The following ARID5B variants were observed in gnomAD, a reference collection of about 807,000 sequenced individuals.
ARID5B encodes AT-rich interactive domain-containing protein 5B.
ARID5B carries 13 observed loss-of-function variants against 97.2 expected under a neutral mutation model. The observed-to-expected ratio is 0.13, with a 90% confidence interval of 0.09 to 0.21. The LOEUF (loss-of-function observed/expected upper bound fraction) is 0.21. Among genes scored for constraint, ARID5B ranks in the 10% least tolerant of loss-of-function variants. The pLI is 1.00. For missense variants in ARID5B, 1,210 were observed against 1,465.3 expected, an observed-to-expected ratio of 0.83 and a Z score of 2.84; for synonymous variants, 556 against 570.3, an observed-to-expected ratio of 0.97 and a Z score of 0.36.
At chr10:61,961,208 TTAAG>T (rs1456769255) in intron 3 of ARID5B, among the ~76,000 whole-genome samples, 4 of 152,348 alleles carry the variant, frequency 2.6e-5, no homozygotes, top group African/African-American at 4.8e-5. Flanking sequence ...TTAAAGAACT[TTAAG>T]TAGGAAATTT....
intron 3 of ARID5B, among the ~76,000 whole-genome samples, chr10:61,957,584 A>G (rs1009102240): frequency 5.3e-5 from 8 of 152,190 alleles, no homozygotes; most frequent in Non-Finnish European, 1.2e-4. Flanking sequence ...TGGCATTTTA[A>G]CTGTCATATA....
chr10:61,950,761 A>G (rs953273168), intron 3 of ARID5B, among the ~76,000 whole-genome samples: 2 of 152,208 alleles, frequency 1.3e-5, no homozygotes, highest in Non-Finnish European at 2.9e-5. Context: ...TTGGAGGTGC[A>G]TGATGCTTTT....
intron 3 of ARID5B, among the ~76,000 whole-genome samples, chr10:61,941,170 G>T (rs1471862395): frequency 6.7e-6 from 1 of 149,846 alleles, no homozygotes; most frequent in Admixed American, 6.7e-5. Context: ...ACTTTACAGG[G>T]TTATTGTGAG....
rs71022105 is a variant in ARID5B, at chr10:61,919,036, T to TCC, written c.276+16638_276+16639dup. ...GTCTGCGTGACAGAGCCTGACTCCG[T>TCC]CCCCCCCCCCCCCCCCAAAAAAATA... On this transcript the variant is annotated intron_variant, in intron 2 of 9. Transcript: ENST00000279873. 1.2e-3 allele frequency among the ~76,000 whole-genome samples: 76 copies of TCC among 63,424 alleles called. 2 individuals carry two copies. Among genetic ancestry groups the TCC allele is most frequent in the African/African-American group, 1.4e-3 (22 of 16,264 alleles). The allele number at this position is 63,424 out of a possible 152,430, so 41.6% of individuals were successfully genotyped here. A position where few individuals can be genotyped will look rare whatever the true frequency, so the allele number is the denominator to read the frequency against.
chr10:62,056,818 AT>A (rs1303898017), intron 5 of ARID5B, among the ~76,000 whole-genome samples: 2 of 152,108 alleles, frequency 1.3e-5, no homozygotes, highest in Non-Finnish European at 2.9e-5. Flanking sequence ...AGCCACACCC[AT>A]TTGTTAACAT....
At chr10:61,998,269 C>T (rs1164299226) in intron 3 of ARID5B, among the ~76,000 whole-genome samples, 2 of 152,214 alleles carry the variant, frequency 1.3e-5, no homozygotes, top group Non-Finnish European at 2.9e-5. Flanking sequence ...CTTGCTCATT[C>T]GTCTCCCACT....
At chr10:62,068,140 C>A (rs988765725) in intron 7 of ARID5B, among the ~76,000 whole-genome samples, 1 of 152,110 alleles carries the variant, frequency 6.6e-6, no homozygotes, top group South Asian at 2.1e-4. Context: ...AGGTTGGAGG[C>A]AGATTGTAAC....
In ARID5B at chr10:62,095,342, T is replaced by C; in HGVS notation, c.*2312T>C. On this transcript the variant is annotated 3_prime_UTR_variant, in exon 10 of 10. Coordinates refer to ENST00000279873, the MANE Select transcript of ARID5B (RefSeq NM_032199.3). Reference sequence around the variant, plus strand: ...GGTTCTGCAGCAGACATGGGCTAGGTCATATGTGGTTTCTATGAGTTCGTG... The same window carrying C: ...GGTTCTGCAGCAGACATGGGCTAGGCCATATGTGGTTTCTATGAGTTCGTG... The C allele has an allele frequency of 4.3e-6, 1 of 233,084 alleles. No homozygotes were observed. The highest frequency in any genetic ancestry group is 2.2e-5 in the African/African-American group (1 of 45,290). 14.4% of individuals were successfully genotyped at this position (233,084 alleles called of 1,614,324 possible).
At chr10:61,909,921 G>A (rs538941872) in intron 2 of ARID5B, among the ~76,000 whole-genome samples, 1 of 152,324 alleles carries the variant, frequency 6.6e-6, no homozygotes, top group Admixed American at 6.5e-5. Context: ...CTGTTTCGTT[G>A]TTAATTTTCC....
At chr10:61,987,501 G>A (rs1488815526) in intron 3 of ARID5B, among the ~76,000 whole-genome samples, 1 of 152,084 alleles carries the variant, frequency 6.6e-6, no homozygotes, top group Non-Finnish European at 1.5e-5. Context: ...GCTGATATTC[G>A]TGATCCAAAA....
chr10:61,924,429 A>G (rs1844068071), intron 2 of ARID5B, among the ~76,000 whole-genome samples: 1 of 152,242 alleles, frequency 6.6e-6, no homozygotes, highest in South Asian at 2.1e-4. Flanking sequence ...AGCAGAGCAT[A>G]TCACTAGTCT....
At chr10:62,049,170 C>G in intron 4 of ARID5B, 2 of 1,254,610 alleles carry the variant, frequency 1.6e-6, no homozygotes, top group Non-Finnish European at 2.0e-6. Context: ...CAAAACAGGC[C>G]GGATGAAATC....
In ARID5B at chr10:62,050,992, G is replaced by A. The variant is rs143185576; in HGVS notation, c.838G>A (p.Val280Ile). The A allele has an allele frequency of 8.1e-6, 13 of 1,612,686 alleles. No homozygotes were observed. Among genetic ancestry groups the A allele is most frequent in the Admixed American group, 3.3e-5 (2 of 60,028 alleles). ...CAACAACAATTCCGATGGCAAAGCC[G>A]TTGCCAAGGTACGGTCATTCACTCC... is the stretch of plus-strand genomic sequence containing the variant. ...DSNNNSDGKA[V>I]AKVKCEARSA... The change falls in exon 5 of 10, where the codon GTT becomes ATT. Residue 280 changes from valine (V) to isoleucine (I), a missense_variant. Around this residue, in one of 8 missense-constraint regions of ARID5B, gnomAD observed 132 missense variants for 156.7 expected, o/e 0.84. Coordinates refer to ENST00000279873, the MANE Select transcript of ARID5B (RefSeq NM_032199.3).
chr10:62,047,991 G>A (rs1839733505), intron 4 of ARID5B, among the ~76,000 whole-genome samples: 2 of 152,112 alleles, frequency 1.3e-5, no homozygotes, highest in African/African-American at 4.8e-5. Flanking sequence ...TTGCATGTGG[G>A]GACTAGATTA....
At chr10:62,011,081 C>T (rs1191545412) in intron 4 of ARID5B, among the ~76,000 whole-genome samples, 2 of 152,166 alleles carry the variant, frequency 1.3e-5, no homozygotes, top group African/African-American at 2.4e-5. Context: ...GGATCACTGG[C>T]TTACTGCATA....
chr10:62,040,339 TTA>T (rs10569468), intron 4 of ARID5B, among the ~76,000 whole-genome samples: 148,936 of 151,154 alleles, frequency 0.99, 73,415 homozygotes, highest in East Asian at 1. Context: ...TATTATAACA[TTA>T]TATATATATA....
intron 3 of ARID5B, among the ~76,000 whole-genome samples, chr10:61,949,995 A>T (rs1329274381): frequency 1.3e-5 from 2 of 152,062 alleles, no homozygotes; most frequent in Non-Finnish European, 2.9e-5. Flanking sequence ...GACAAACCCA[A>T]CTGATCCACC....
chr10:61,980,017 C>T (rs1238248937), intron 3 of ARID5B, among the ~76,000 whole-genome samples: 1 of 151,846 alleles, frequency 6.6e-6, no homozygotes, highest in Admixed American at 6.6e-5. Flanking sequence ...CACTTGAACC[C>T]GGGAGGCAGG....
At chr10:61,926,542 T>A (rs1844108533) in intron 2 of ARID5B, among the ~76,000 whole-genome samples, 1 of 152,198 alleles carries the variant, frequency 6.6e-6, no homozygotes, top group Non-Finnish European at 1.5e-5. Context: ...TGCAGCTGTG[T>A]CCTTGAGAGC....
Sources: gnomAD v4.1 joint callset for allele counts (sites outside exome capture counted in the v4.1 genomes callset) on GRCh38, gnomAD v4.1.1 for gene constraint, gnomAD v4.1.1 regional missense constraint, MANE v1.5 for transcripts, NCBI Gene and HGNC (gene_info 2026-07-23, HGNC 2026-07-21) for gene names.